Variants in SGIP1 observed in about 807,000 individuals in gnomAD.
The protein encoded by SGIP1 is SH3-containing GRB2-like protein 3-interacting protein 1.
Under a neutral mutation model 107.5 loss-of-function variants are expected in SGIP1, and 38 were observed. That is an observed-to-expected ratio of 0.35 (90% CI 0.27 to 0.46). The LOEUF (loss-of-function observed/expected upper bound fraction) is 0.46, where lower values mean the gene tolerates loss of function less well. SGIP1 is among the 20% of genes least tolerant of loss of function. The pLI, the probability that SGIP1 is intolerant of heterozygous loss-of-function variation, is 1.00. For synonymous variants in SGIP1, 365 were observed against 366.1 expected (o/e 1.00, Z 0.03); for missense variants, 929 against 1,019.5 (o/e 0.91, Z 1.21).
chr1:66,637,594 G>T (rs141334662), intron 4 of SGIP1, among the ~76,000 whole-genome samples: 1 of 151,182 alleles, frequency 6.6e-6, no homozygotes, highest in South Asian at 2.1e-4. Flanking sequence ...TACAAGTTTT[G>T]TTTTCCCTTT....
intron 2 of SGIP1, among the ~76,000 whole-genome samples, chr1:66,628,237 A>G (rs1306823950): frequency 6.6e-6 from 1 of 152,098 alleles, no homozygotes; most frequent in Non-Finnish European, 1.5e-5. Flanking sequence ...TAGCAGCATG[A>G]TTTATATTCC....
intron 14 of SGIP1, 66 bp from the exon 15 acceptor site, chr1:66,681,803 C>G: frequency 6.6e-7 from 1 of 1,512,622 alleles, no homozygotes; most frequent in Non-Finnish European, 8.9e-7. Context: ...GTCTTTGCCT[C>G]CCTCCCTCAC....
chr1:66,561,883 G>C (rs947945733), intron 1 of SGIP1, among the ~76,000 whole-genome samples: 1 of 151,990 alleles, frequency 6.6e-6, no homozygotes, highest in Non-Finnish European at 1.5e-5. Context: ...CAGCGTTATA[G>C]AAAAGTTACA....
At chr1:66,739,265 T>C (rs1315675990) in intron 21 of SGIP1, 70 bp from the exon 22 acceptor site, 6 of 1,530,340 alleles carry the variant, frequency 3.9e-6, no homozygotes, top group African/African-American at 1.4e-5. Context: ...AAACAACATA[T>C]GACATTTTGT....
At chr1:66,685,312 G>T (rs2087935498) in intron 15 of SGIP1, among the ~76,000 whole-genome samples, 1 of 152,216 alleles carries the variant, frequency 6.6e-6, no homozygotes, top group African/African-American at 2.4e-5. Flanking sequence ...AGAGGTACCT[G>T]CTATTGAAAA....
chr1:66,574,012 A>G (rs2060729314), intron 1 of SGIP1, among the ~76,000 whole-genome samples: 1 of 152,266 alleles, frequency 6.6e-6, no homozygotes, highest in South Asian at 2.1e-4. Flanking sequence ...GGTCTATCAA[A>G]CAACCCCAAA....
intron 1 of SGIP1, among the ~76,000 whole-genome samples, chr1:66,597,102 T>G (rs1327507861): frequency 1.3e-5 from 2 of 152,238 alleles, no homozygotes; most frequent in African/African-American, 2.4e-5. Flanking sequence ...ATATGCAGGT[T>G]TGTTGTATAG....
intron 1 of SGIP1, among the ~76,000 whole-genome samples, chr1:66,610,177 A>C (rs2067681121): frequency 6.6e-6 from 1 of 152,216 alleles, no homozygotes; most frequent in African/African-American, 2.4e-5. Flanking sequence ...TTAGTGTAGA[A>C]GTAGATACAA....
At chr1:66,564,559 T>C (rs751730490) in intron 1 of SGIP1, among the ~76,000 whole-genome samples, 1 of 151,946 alleles carries the variant, frequency 6.6e-6, no homozygotes, top group Non-Finnish European at 1.5e-5. Context: ...AGTTAGGATG[T>C]CTGTGTCATC....
chr1:66,659,338 A>G lies in SGIP1; in HGVS notation c.460-1175A>G, dbSNP rs894183742. Among the ~76,000 whole-genome samples the G allele has an allele frequency of 2.0e-5, 3 of 152,270 alleles. No individual in the cohort carries two copies. The East Asian group carries it at 5.8e-4, about 29-fold the overall frequency. The stretch of plus-strand genomic sequence containing the variant: ...AGGGCATTCTGAGGGGCCATTGACC[A>G]CTCACAGGGAGAAGAATTCATAATT... On this transcript the variant is annotated intron_variant, in intron 7 of 24. Coordinates refer to ENST00000371037, the MANE Select transcript of SGIP1 (RefSeq NM_032291.4).
chr1:66,710,276 C>T (rs368556055), intron 18 of SGIP1, among the ~76,000 whole-genome samples: 1 of 152,100 alleles, frequency 6.6e-6, no homozygotes, highest in Non-Finnish European at 1.5e-5. Flanking sequence ...AGAATTTCTA[C>T]ATTTCTTTTT....
chr1:66,603,471 G>C (rs924952574), intron 1 of SGIP1, among the ~76,000 whole-genome samples: 1 of 151,988 alleles, frequency 6.6e-6, no homozygotes, highest in Admixed American at 6.6e-5. Context: ...AAGAATTAAA[G>C]AATTTTTTAA....
chr1:66,588,141 C>G (rs1259549476), intron 1 of SGIP1, among the ~76,000 whole-genome samples: 1 of 152,128 alleles, frequency 6.6e-6, no homozygotes, highest in East Asian at 1.9e-4. Context: ...AATAATTTCA[C>G]TTATTAAACT....
At position 66,541,760 on chromosome 1, in the gene SGIP1, G is replaced by A. The variant is rs2055003465; in HGVS notation, c.10+7392G>A. ...GGAGGAAAATACTGAGCTCATTTAG[G>A]GCATTGTCAAAGATTATGTGACATT... On this transcript the variant is annotated intron_variant, in intron 1 of 24. Coordinates refer to ENST00000371037, the MANE Select transcript of SGIP1 (RefSeq NM_032291.4). Among the ~76,000 whole-genome samples the A allele has an allele frequency of 2.0e-5, 3 of 152,014 alleles. No individual in the cohort carries two copies. The South Asian group carries it at 6.2e-4, about 32-fold the overall frequency.
intron 7 of SGIP1, among the ~76,000 whole-genome samples, chr1:66,656,408 A>T (rs944554043): frequency 6.6e-6 from 1 of 152,246 alleles, no homozygotes; most frequent in Non-Finnish European, 1.5e-5. Flanking sequence ...TAGTAAATAC[A>T]TAAACCAGTA....
intron 1 of SGIP1, among the ~76,000 whole-genome samples, chr1:66,534,770 C>CA: frequency 1.3e-5 from 2 of 152,270 alleles, no homozygotes; most frequent in Non-Finnish European, 2.9e-5. Context: ...CAGGAGAGGT[C>CA]ATTAACAGAG....
chr1:66,643,276 G>A (rs2077103812), intron 6 of SGIP1, among the ~76,000 whole-genome samples: 1 of 152,186 alleles, frequency 6.6e-6, no homozygotes, highest in Non-Finnish European at 1.5e-5. Context: ...GTGCTTGTCT[G>A]TGTGTGCTGA....
chr1:66,668,954 C>T (rs989272449), intron 9 of SGIP1, among the ~76,000 whole-genome samples: 4 of 152,192 alleles, frequency 2.6e-5, no homozygotes, highest in Admixed American at 2.6e-4. Flanking sequence ...TCGACATCAC[C>T]TCAGTCTTTT....
chr1:66,732,074 C>T (rs1256635659), intron 20 of SGIP1, among the ~76,000 whole-genome samples: 1 of 152,238 alleles, frequency 6.6e-6, no homozygotes, highest in Middle Eastern at 3.4e-3. Context: ...CCTATGACAG[C>T]TTATTTTGCT....
Sources: gnomAD v4.1 joint callset for allele counts (sites outside exome capture counted in the v4.1 genomes callset) on GRCh38, gnomAD v4.1.1 for gene constraint, MANE v1.5 for transcripts, NCBI Gene and HGNC (gene_info 2026-07-23, HGNC 2026-07-21) for gene names.